The following ECT2L variants were observed in gnomAD, a reference collection of about 807,000 sequenced individuals.
ECT2L encodes epithelial cell transforming 2 like, also known as epithelial cell-transforming sequence 2 oncogene-like.
A neutral mutation model predicts 122.8 loss-of-function variants in ECT2L; 126 were observed. The observed-to-expected ratio is 1.03, with a 90% CI of 0.89 to 1.19. The LOEUF (loss-of-function observed/expected upper bound fraction) is 1.19, where lower values mean the gene tolerates loss of function less well. Ranked by LOEUF, ECT2L falls within the 50% of genes most tolerant of loss-of-function variation. ECT2L has a pLI of 0.00. For synonymous variants in ECT2L, 385 were observed against 381.8 expected, an observed-to-expected ratio of 1.01 and a Z score of -0.10; for missense variants, 1,012 against 1,064.1, an observed-to-expected ratio of 0.95 and a Z score of 0.68.
chr6:138,811,336 A>C (rs900315935), intron 1 of ECT2L, among the ~76,000 whole-genome samples: 1 of 152,236 alleles, frequency 6.6e-6, no homozygotes. Flanking sequence ...AATGAGCTGC[A>C]GGGCCTTCAG....
chr6:138,884,636 TCAAAAAAACAAAAAA>T (rs1376309818), intron 16 of ECT2L, among the ~76,000 whole-genome samples: 3 of 151,846 alleles, frequency 2.0e-5, no homozygotes, highest in Non-Finnish European at 4.4e-5. Flanking sequence ...AGACTCTGTC[TCAAAAAAACAAAAAA>T]CAAAAAAAAT....
chr6:138,879,179 T>G, intron 14 of ECT2L: 1 of 280,118 alleles, frequency 3.6e-6, no homozygotes, highest in South Asian at 3.6e-5. Flanking sequence ...TGACAAGCCT[T>G]GCTATTCACA....
intron 11 of ECT2L, among the ~76,000 whole-genome samples, chr6:138,864,734 T>A (rs1408501392): frequency 6.6e-6 from 1 of 152,202 alleles, no homozygotes; most frequent in African/African-American, 2.4e-5. Context: ...GCAGCTGTTT[T>A]TTTTCTTTAA....
At chr6:138,853,924 G>A (rs1777531102) in intron 9 of ECT2L, 102 bp from the exon 10 acceptor site, 1 of 1,343,400 alleles carries the variant, frequency 7.4e-7, no homozygotes, top group African/African-American at 1.5e-5. Context: ...CTTGCAGGCA[G>A]ATGGCATTTT....
chr6:138,827,849 C>T (rs374244164), intron 4 of ECT2L, among the ~76,000 whole-genome samples: 4 of 152,202 alleles, frequency 2.6e-5, no homozygotes, highest in South Asian at 4.1e-4. Flanking sequence ...TAAGACACCA[C>T]GCCCAGCCCC....
At chr6:138,822,033 G>A (rs748482713) in intron 4 of ECT2L, among the ~76,000 whole-genome samples, 4 of 152,266 alleles carry the variant, frequency 2.6e-5, no homozygotes, top group Non-Finnish European at 5.9e-5. Flanking sequence ...AGTCTGTGCT[G>A]CTTTAAGCCA....
intron 10 of ECT2L, among the ~76,000 whole-genome samples, chr6:138,862,059 A>G (rs1777853016): frequency 6.6e-6 from 1 of 152,180 alleles, no homozygotes. Context: ...TGAAGTGTTC[A>G]TGGACTGTTC....
chr6:138,821,720 GT>G (rs1776274231), intron 4 of ECT2L, among the ~76,000 whole-genome samples: 1 of 152,258 alleles, frequency 6.6e-6, no homozygotes, highest in Non-Finnish European at 1.5e-5. Flanking sequence ...ACCAAGCACA[GT>G]TCTGAGTGCA....
chr6:138,801,038 C>T (rs1171699593), intron 1 of ECT2L, among the ~76,000 whole-genome samples: 1 of 152,114 alleles, frequency 6.6e-6, no homozygotes, highest in Non-Finnish European at 1.5e-5. Context: ...GTCTGAATTC[C>T]AGTTCACAAG....
chr6:138,885,720 C>A lies in ECT2L; in HGVS notation c.2149C>A (p.Leu717Ile), dbSNP rs1337384610. The A allele has an allele frequency of 1.2e-6, 2 of 1,614,146 alleles. No homozygotes were observed. The highest frequency in any genetic ancestry group is 1.7e-6 in the Non-Finnish European group (2 of 1,180,018). ...CCCATCCCGAAGATTTGAAGAATACCTTAATCTTCTCTACGCTGTCAGGCT... is the reference window on the plus strand; with the variant it reads ...CCCATCCCGAAGATTTGAAGAATACATTAATCTTCTCTACGCTGTCAGGCT... ...LYPSRRFEEYLNLLYAVRLHT... is the reference protein window; with the variant it reads ...LYPSRRFEEYINLLYAVRLHT... The change falls in exon 18 of 22, where the codon CTT becomes ATT. Residue 717 changes from leucine to isoleucine, a missense_variant. Coordinates refer to ENST00000541398, the MANE Select transcript of ECT2L (RefSeq NM_001077706.3).
At chr6:138,890,490 A>ATTTTTT (rs1562495167) in intron 20 of ECT2L, among the ~76,000 whole-genome samples, 5 of 50,212 alleles carry the variant, frequency 1.0e-4, no homozygotes, top group East Asian at 2.1e-3. Context: ...GTTTTCTTTG[A>ATTTTTT]TCTTTTTTTT....
rs1460997316 is a variant in ECT2L at position 138,813,339 on chromosome 6, A to G, written c.65A>G (p.Gln22Arg). ...TTTAGCAACAAGTCATTAAATAGACAGGTAAGTTACATACTTTAAAACAGA... is the reference window on the plus strand; with the variant it reads ...TTTAGCAACAAGTCATTAAATAGACGGGTAAGTTACATACTTTAAAACAGA... ...TPFSNKSLNR[Q>R]LFQERVALIS... Residue 22 changes from glutamine to arginine, a missense_variant and splice_region_variant, in exon 3 of 22, where the codon CAG becomes CGG. Transcript: ENST00000541398. The G allele has an allele frequency of 6.2e-7, 1 of 1,609,056 alleles. No homozygotes were observed. The highest frequency in any genetic ancestry group is 2.2e-5 in the East Asian group (1 of 44,758).
At chr6:138,832,030 T>A (rs1188708117) in intron 4 of ECT2L, among the ~76,000 whole-genome samples, 4 of 152,094 alleles carry the variant, frequency 2.6e-5, no homozygotes, top group African/African-American at 4.8e-5. Context: ...TGTCTTCAAT[T>A]TTTTTTATCA....
chr6:138,815,042 C>G (rs1776022718), intron 4 of ECT2L, among the ~76,000 whole-genome samples: 1 of 152,170 alleles, frequency 6.6e-6, no homozygotes. Flanking sequence ...ACTTATACAG[C>G]CCTAGTCAAG....
rs374302917 is a variant in ECT2L at position 138,876,475 on chromosome 6, A to G, written c.1582A>G (p.Arg528Gly). Residue 528 changes from arginine to glycine, a missense_variant, in exon 14 of 22, where the codon AGA (arginine) becomes GGA (glycine). Coordinates refer to ENST00000541398, the MANE Select transcript of ECT2L (RefSeq NM_001077706.3). The stretch of plus-strand genomic sequence containing the variant: ...CAAGTTTCCATTCAATCTTCAGGAA[A>G]GAAATGTTGTAGAAGACAATTCTTG... The part of the protein sequence containing the change: ...LMELSKEDSE[R>G]NVVEDNSWDT... The G allele has an allele frequency of 4.1e-5, 66 of 1,609,180 alleles. No homozygotes were observed. The African/African-American group carries it at 8.2e-4, about 20-fold the overall frequency.
At chr6:138,850,817 C>G (rs1388183592) in intron 9 of ECT2L, among the ~76,000 whole-genome samples, 1 of 151,770 alleles carries the variant, frequency 6.6e-6, no homozygotes, top group Non-Finnish European at 1.5e-5. Context: ...GCCTGACCAA[C>G]ATAGAGAAAC....
chr6:138,871,371 A>G (rs1287276541), intron 13 of ECT2L, among the ~76,000 whole-genome samples: 1 of 152,132 alleles, frequency 6.6e-6, no homozygotes, highest in Admixed American at 6.6e-5. Context: ...TATTAACCTG[A>G]TATTCTGGAA....
At chr6:138,835,280 G>A (rs144311086) in intron 4 of ECT2L, among the ~76,000 whole-genome samples, 3,026 of 152,270 alleles carry the variant, frequency 0.02, 95 homozygotes, top group African/African-American at 0.068. Context: ...CAGGCGCAGT[G>A]GCTCAAGCCT....
intron 20 of ECT2L, among the ~76,000 whole-genome samples, chr6:138,890,490 A>ATTTTTTT (rs1562495167): frequency 4.0e-5 from 2 of 50,192 alleles, no homozygotes; most frequent in East Asian, 2.1e-3. Context: ...GTTTTCTTTG[A>ATTTTTTT]TCTTTTTTTT....
Sources: gnomAD v4.1 joint callset for allele counts (sites outside exome capture counted in the v4.1 genomes callset) on GRCh38, gnomAD v4.1.1 for gene constraint, MANE v1.5 for transcripts, NCBI Gene and HGNC (gene_info 2026-07-23, HGNC 2026-07-21) for gene names.